Variants in ASTN2 observed in about 807,000 individuals in gnomAD.
ASTN2 encodes the protein astrotactin 2, also known as astrotactin-2.
In ASTN2, 54 loss-of-function variants were observed where a neutral mutation model predicts 139.8. The observed-to-expected ratio is 0.39, with a 90% CI of 0.31 to 0.48. The LOEUF is 0.48. Ranked by LOEUF, ASTN2 falls within the 20% of genes least tolerant of loss-of-function variation. ASTN2 has a pLI of 0.95. For synonymous variants in ASTN2, 756 were observed against 719.5 expected (o/e 1.05, Z -0.81); for missense variants, 1,565 against 1,725.1 (o/e 0.91, Z 1.64).
chr9:116,425,263 C>T lies in ASTN2; in HGVS notation c.*588G>A. The T allele has an allele frequency of 2.5e-6, 1 of 408,002 alleles. No homozygotes were observed. Among genetic ancestry groups the T allele is most frequent in the Non-Finnish European group, 4.4e-6 (1 of 226,658 alleles). The allele number at this position is 408,002 out of a possible 1,614,324, so 25.3% of individuals were successfully genotyped here. A position where few individuals can be genotyped will look rare whatever the true frequency, so the allele number is the denominator to read the frequency against. Reference sequence around the variant, plus strand: ...AGGAATTTTTAATGCATGGACAGGCCTGCAGGGACTCTGGGCAGACCCACA... The same window carrying T: ...AGGAATTTTTAATGCATGGACAGGCTTGCAGGGACTCTGGGCAGACCCACA... On this transcript the variant is annotated 3_prime_UTR_variant, in exon 23 of 23. Coordinates refer to ENST00000313400, the MANE Select transcript of ASTN2 (RefSeq NM_001365068.1).
chr9:117,314,340 G>T (rs1387371421), intron 1 of ASTN2, among the ~76,000 whole-genome samples: 7 of 152,000 alleles, frequency 4.6e-5, no homozygotes, highest in Non-Finnish European at 1.0e-4. Flanking sequence ...AAGACACAGG[G>T]TTCAGACAGT....
chr9:117,060,492 A>T (rs762373007), intron 5 of ASTN2, among the ~76,000 whole-genome samples: 1,383 of 74,200 alleles, frequency 0.019, 52 homozygotes, highest in African/African-American at 0.025. Context: ...AAGGAATGAA[A>T]GAAAGAAAGA....
chr9:116,498,144 C>A (rs1410075878), intron 19 of ASTN2, among the ~76,000 whole-genome samples: 1 of 152,162 alleles, frequency 6.6e-6, no homozygotes, highest in Non-Finnish European at 1.5e-5. Context: ...TTAAGGCAAG[C>A]CTTCCAAACA....
At chr9:116,956,675 A>AACAT (rs892739573) in intron 10 of ASTN2, among the ~76,000 whole-genome samples, 7 of 151,896 alleles carry the variant, frequency 4.6e-5, no homozygotes, top group Middle Eastern at 3.4e-3. Context: ...AACCCCAAGG[A>AACAT]ACATACATAC....
At chr9:116,580,710 CT>C (rs899165691) in intron 19 of ASTN2, among the ~76,000 whole-genome samples, 2 of 152,090 alleles carry the variant, frequency 1.3e-5, no homozygotes, top group Non-Finnish European at 2.9e-5. Context: ...AGAAATTAAT[CT>C]TTTTTAAACC....
At chr9:116,586,377 A>G (rs749109965) in intron 19 of ASTN2, 3 of 152,234 alleles carry the variant, frequency 2.0e-5, no homozygotes, top group Admixed American at 6.5e-5. Flanking sequence ...AATAACAAAG[A>G]CATGGAATCA....
intron 10 of ASTN2, among the ~76,000 whole-genome samples, chr9:116,960,037 C>A (rs1835832331): frequency 6.6e-6 from 1 of 152,140 alleles, no homozygotes; most frequent in South Asian, 2.1e-4. Context: ...TTATGCCTGT[C>A]TCGCTGGGAT....
chr9:116,423,825 T>C lies in ASTN2; in HGVS notation c.*2026A>G, dbSNP rs1847242354. Among the ~76,000 whole-genome samples the C allele has an allele frequency of 2.0e-5, 3 of 152,198 alleles. No individual in the cohort carries two copies. The highest frequency in any genetic ancestry group is 2.1e-4 in the South Asian group (1 of 4,832). The stretch of plus-strand genomic sequence containing the variant: ...GTCCTGGGGAAAAAAATGCGCTCAA[T>C]ATGTAGGTTATCAGGAAGGGGATTG... On this transcript the variant is annotated 3_prime_UTR_variant, in exon 23 of 23. Coordinates refer to ENST00000313400, the MANE Select transcript of ASTN2 (RefSeq NM_001365068.1).
intron 10 of ASTN2, among the ~76,000 whole-genome samples, chr9:116,905,788 C>T (rs1461031196): frequency 2.7e-5 from 4 of 148,316 alleles, no homozygotes; most frequent in Non-Finnish European, 4.4e-5. Flanking sequence ...AAGGGTAGAC[C>T]TCCAATATTC....
chr9:117,046,173 G>C (rs1838737544), intron 5 of ASTN2, among the ~76,000 whole-genome samples: 1 of 151,980 alleles, frequency 6.6e-6, no homozygotes, highest in African/African-American at 2.4e-5. Context: ...GCTAATTTTT[G>C]TATTTTTAGT....
At chr9:117,006,516 C>T (rs1837358175) in intron 7 of ASTN2, among the ~76,000 whole-genome samples, 1 of 152,128 alleles carries the variant, frequency 6.6e-6, no homozygotes, top group Admixed American at 6.5e-5. Flanking sequence ...TCTTCTCTTA[C>T]CTCCATGGTC....
At chr9:116,673,204 G>A (rs1859304310) in intron 16 of ASTN2, among the ~76,000 whole-genome samples, 1 of 152,164 alleles carries the variant, frequency 6.6e-6, no homozygotes, top group Non-Finnish European at 1.5e-5. Flanking sequence ...ACACTGTGGA[G>A]TGTTCTTTCA....
intron 1 of ASTN2, among the ~76,000 whole-genome samples, chr9:117,331,353 A>G (rs559768534): frequency 1.3e-5 from 2 of 152,254 alleles, no homozygotes; most frequent in East Asian, 3.9e-4. Context: ...CCAGAAACCA[A>G]CACAGAGGGG....
intron 17 of ASTN2, among the ~76,000 whole-genome samples, chr9:116,629,807 C>A (rs1314901266): frequency 2.0e-5 from 3 of 152,050 alleles, no homozygotes; most frequent in Admixed American, 2.0e-4. Flanking sequence ...CCAGCCAAAC[C>A]CCCCTATTGC....
At position 116,611,131 on chromosome 9, in the gene ASTN2, C is replaced by A. The variant is rs969046644; in HGVS notation, c.3355+7193G>T. The stretch of plus-strand genomic sequence containing the variant: ...AATCAAAAATCAACAACAAAAATTT[C>A]TGAAAAAACTCCCAAATATTTGAAA... On this transcript the variant is annotated intron_variant, in intron 19 of 22. Coordinates refer to ENST00000313400, the MANE Select transcript of ASTN2 (RefSeq NM_001365068.1). 2.0e-5 allele frequency: 3 copies of A among 152,206 alleles called. No individual in the cohort carries two copies. In the East Asian group the frequency reaches 5.8e-4, roughly 29 times the overall value. The allele number at this position is 152,206 out of a possible 1,614,324, so 9.4% of individuals were successfully genotyped here.
intron 16 of ASTN2, among the ~76,000 whole-genome samples, chr9:116,667,128 G>A (rs1386955632): frequency 2.6e-5 from 4 of 151,278 alleles, no homozygotes; most frequent in Non-Finnish European, 2.9e-5. Flanking sequence ...GCTAATTTTT[G>A]TATTTTTAAT....
intron 19 of ASTN2, among the ~76,000 whole-genome samples, chr9:116,531,267 T>C (rs1160208319): frequency 6.6e-6 from 1 of 152,234 alleles, no homozygotes; most frequent in East Asian, 1.9e-4. Context: ...TATTTATGTC[T>C]TAAATGTATG....
chr9:116,592,860 T>C (rs1290504204), intron 19 of ASTN2, among the ~76,000 whole-genome samples: 3 of 152,200 alleles, frequency 2.0e-5, no homozygotes, highest in Non-Finnish European at 4.4e-5. Flanking sequence ...AACCCATTCA[T>C]GGATCTTTTC....
At chr9:116,498,627 A>T (rs1262355214) in intron 19 of ASTN2, among the ~76,000 whole-genome samples, 1 of 151,880 alleles carries the variant, frequency 6.6e-6, no homozygotes, top group Admixed American at 6.6e-5. Context: ...GTCAGTATCT[A>T]CTCTACAAGA....
Sources: allele counts gnomAD v4.1 joint callset (sites outside exome capture counted in the v4.1 genomes callset), GRCh38; gene constraint gnomAD v4.1.1; transcripts MANE v1.5; gene names NCBI Gene and HGNC (gene_info 2026-07-23, HGNC 2026-07-21).